SPAG16: variants seen among roughly 807,000 people sequenced by gnomAD.
SPAG16 encodes sperm-associated antigen 16 protein.
A neutral mutation model predicts 80.4 loss-of-function variants in SPAG16; 86 were observed. The ratio of observed to expected loss-of-function variants is 1.07; its 90% CI spans 0.90 to 1.28. SPAG16 has a LOEUF of 1.28. SPAG16 is among the 50% of genes most tolerant of loss of function. The pLI, the probability that SPAG16 is intolerant of heterozygous loss-of-function variation, is 0.00. For missense variants in SPAG16, 870 were observed against 765.3 expected, an observed-to-expected ratio of 1.14 and a Z score of -1.61; for synonymous variants, 294 against 265.9, an observed-to-expected ratio of 1.11 and a Z score of -1.03.
At chr2:213,615,941 A>G (rs578087571) in intron 10 of SPAG16, among the ~76,000 whole-genome samples, 58 of 152,332 alleles carry the variant, frequency 3.8e-4, no homozygotes, top group African/African-American at 1.3e-3. Context: ...TACCTAATGT[A>G]TGCGAGGCTT....
intron 10 of SPAG16, among the ~76,000 whole-genome samples, chr2:213,849,934 A>G (rs2074817839): frequency 6.6e-6 from 1 of 152,224 alleles, no homozygotes; most frequent in Non-Finnish European, 1.5e-5. Flanking sequence ...TATCTTCTCA[A>G]ACTTGTTAAA....
rs573697697 is a variant in SPAG16, at chr2:214,208,292, A to G, written c.1720+59026A>G. The stretch of plus-strand genomic sequence containing the variant: ...TGACTTCACCTCTAGAGAAATCTCA[A>G]ATTTCTCTAGAGAGAAATGGAATTT... On this transcript the variant is annotated intron_variant, in intron 15 of 15. Coordinates refer to ENST00000331683, the MANE Select transcript of SPAG16 (RefSeq NM_024532.5). 2.6e-5 allele frequency among the ~76,000 whole-genome samples: 4 copies of G among 152,238 alleles called. No individual in the cohort carries two copies. In the East Asian group the frequency reaches 5.8e-4, roughly 22 times the overall value.
At chr2:214,193,918 A>T (rs1031216783) in intron 15 of SPAG16, among the ~76,000 whole-genome samples, 1 of 152,104 alleles carries the variant, frequency 6.6e-6, no homozygotes, top group African/African-American at 2.4e-5. Context: ...CTTTAATGAT[A>T]AAATTCTCAG....
chr2:214,136,220 C>T (rs553954873), intron 14 of SPAG16, among the ~76,000 whole-genome samples: 1 of 152,166 alleles, frequency 6.6e-6, no homozygotes, highest in African/African-American at 2.4e-5. Context: ...CTCACCATGC[C>T]CTACTCTAAC....
At chr2:213,806,778 C>T (rs760663320) in intron 10 of SPAG16, among the ~76,000 whole-genome samples, 22 of 151,930 alleles carry the variant, frequency 1.4e-4, no homozygotes, top group Non-Finnish European at 2.5e-4. Context: ...ATGTTACAAA[C>T]GAAATACAAT....
chr2:214,217,236 A>G (rs1409977853), intron 15 of SPAG16, among the ~76,000 whole-genome samples: 1 of 152,246 alleles, frequency 6.6e-6, no homozygotes, highest in African/African-American at 2.4e-5. Context: ...GACTTTAAAA[A>G]TCCAATTATT....
chr2:213,680,570 C>T (rs2064328826), intron 10 of SPAG16, among the ~76,000 whole-genome samples: 1 of 152,320 alleles, frequency 6.6e-6, no homozygotes, highest in Non-Finnish European at 1.5e-5. Flanking sequence ...CTCTTTCTCT[C>T]ATTCGTGGAT....
intron 10 of SPAG16, among the ~76,000 whole-genome samples, chr2:213,809,785 A>G (rs1470307325): frequency 6.6e-6 from 1 of 152,170 alleles, no homozygotes; most frequent in African/African-American, 2.4e-5. Flanking sequence ...AATGGTATTG[A>G]CATGCATGTG....
At chr2:214,061,330 G>A (rs1201521762) in intron 13 of SPAG16, among the ~76,000 whole-genome samples, 1 of 152,166 alleles carries the variant, frequency 6.6e-6, no homozygotes, top group Non-Finnish European at 1.5e-5. Flanking sequence ...CACTAGGTTA[G>A]TACTCAGGAA....
intron 15 of SPAG16, among the ~76,000 whole-genome samples, chr2:214,246,941 G>C (rs1410584974): frequency 6.6e-6 from 1 of 151,890 alleles, no homozygotes; most frequent in Non-Finnish European, 1.5e-5. Flanking sequence ...TAAGTGCCTT[G>C]AATTGTTTCA....
chr2:213,450,077 G>A (rs1366137828), intron 9 of SPAG16, among the ~76,000 whole-genome samples: 1 of 152,202 alleles, frequency 6.6e-6, no homozygotes, highest in Non-Finnish European at 1.5e-5. Context: ...GGCCAAGGCA[G>A]GTGGATCACC....
chr2:213,934,676 T>C (rs1243635594), intron 12 of SPAG16, among the ~76,000 whole-genome samples: 1 of 152,212 alleles, frequency 6.6e-6, no homozygotes, highest in Admixed American at 6.5e-5. Flanking sequence ...TAGTTAAGTA[T>C]GTCTGCATCA....
intron 12 of SPAG16, among the ~76,000 whole-genome samples, chr2:213,977,657 C>T (rs992486598): frequency 1.3e-5 from 2 of 152,038 alleles, no homozygotes; most frequent in East Asian, 1.9e-4. Context: ...TTTTTGGTTT[C>T]TCCCTTTGAG....
intron 10 of SPAG16, among the ~76,000 whole-genome samples, chr2:213,561,985 T>G (rs564334944): frequency 2.6e-5 from 4 of 152,300 alleles, no homozygotes; most frequent in African/African-American, 9.6e-5. Context: ...TGTCTTTCAT[T>G]TTGCTCTAGC....
At chr2:214,287,089 A>G (rs756005838) in intron 15 of SPAG16, among the ~76,000 whole-genome samples, 1 of 152,226 alleles carries the variant, frequency 6.6e-6, no homozygotes, top group Non-Finnish European at 1.5e-5. Context: ...TAATTACACC[A>G]TCAGAAACAC....
At chr2:214,044,692 C>T (rs1473105040) in intron 13 of SPAG16, among the ~76,000 whole-genome samples, 2 of 152,162 alleles carry the variant, frequency 1.3e-5, no homozygotes, top group Non-Finnish European at 2.9e-5. Context: ...CTGGCAGAGG[C>T]CACATGGGAT....
chr2:213,536,633 A>G (rs1486509126), intron 10 of SPAG16, among the ~76,000 whole-genome samples: 2 of 152,144 alleles, frequency 1.3e-5, no homozygotes, highest in African/African-American at 2.4e-5. Context: ...TCTTCTTTTG[A>G]GAAGTGTCTG....
chr2:213,813,006 T>C (rs2072277428), intron 10 of SPAG16, among the ~76,000 whole-genome samples: 1 of 152,206 alleles, frequency 6.6e-6, no homozygotes, highest in South Asian at 2.1e-4. Context: ...ATGAAAGTTA[T>C]AAAATTGACT....
intron 15 of SPAG16, among the ~76,000 whole-genome samples, chr2:214,392,775 A>G (rs538248990): frequency 6.6e-6 from 1 of 152,100 alleles, no homozygotes; most frequent in African/African-American, 2.4e-5. Flanking sequence ...CCTAAGAGAA[A>G]TACTTCCATA....
Sources: gnomAD v4.1 joint callset for allele counts (sites outside exome capture counted in the v4.1 genomes callset) on GRCh38, gnomAD v4.1.1 for gene constraint, MANE v1.5 for transcripts, NCBI Gene and HGNC (gene_info 2026-07-23, HGNC 2026-07-21) for gene names.